Variants in DRC8 observed in about 807,000 individuals in gnomAD.
DRC8 encodes the protein dynein regulatory complex subunit 8.
At chr1:244,991,759 T>C in the DRC8 span, among the ~76,000 whole-genome samples, 289 of 152,366 alleles carry the variant, frequency 1.9e-3, 1 homozygote, top group African/African-American at 6.5e-3. Context: ...GATCTTGATA[T>C]TTATTTAAAA....
At chr1:244,999,320 T>C in the DRC8 span, among the ~76,000 whole-genome samples, 3 of 152,060 alleles carry the variant, frequency 2.0e-5, no homozygotes, top group Non-Finnish European at 4.4e-5. Context: ...CCATTAGGCC[T>C]GGAATCCCTT....
chr1:245,109,335 G>A, the DRC8 span, among the ~76,000 whole-genome samples: 1 of 152,292 alleles, frequency 6.6e-6, no homozygotes, highest in South Asian at 2.1e-4. Flanking sequence ...CTAGAGAGGG[G>A]CACAGATGGA....
the DRC8 span, among the ~76,000 whole-genome samples, chr1:245,034,063 C>T: frequency 6.6e-6 from 1 of 152,116 alleles, no homozygotes; most frequent in African/African-American, 2.4e-5. Context: ...TTTTCTCAGC[C>T]TCTGCTTTGG....
chr1:245,086,998 C>T, the DRC8 span: 42 of 576,970 alleles, frequency 7.3e-5, no homozygotes, highest in South Asian at 5.7e-4. Context: ...CCTGAAATGA[C>T]GTGTTCTAGA....
chr1:244,981,367 T>A, the DRC8 span, among the ~76,000 whole-genome samples: 1 of 152,144 alleles, frequency 6.6e-6, no homozygotes, highest in African/African-American at 2.4e-5. Flanking sequence ...GTAGGAAGAA[T>A]TTCATGAAGG....
chr1:245,092,638 A>T, the DRC8 span, among the ~76,000 whole-genome samples: 1 of 152,188 alleles, frequency 6.6e-6, no homozygotes, highest in African/African-American at 2.4e-5. Context: ...GAATCTCTGG[A>T]GGTAGGGTCC....
chr1:245,056,527 A>G, the DRC8 span, among the ~76,000 whole-genome samples: 15 of 152,252 alleles, frequency 9.9e-5, no homozygotes, highest in Admixed American at 2.6e-4. Flanking sequence ...GTCTGACTCC[A>G]GATGGAAGCT....
chr1:245,106,530 TA>T, the DRC8 span, among the ~76,000 whole-genome samples: 2 of 151,798 alleles, frequency 1.3e-5, no homozygotes, highest in African/African-American at 4.8e-5. Context: ...ATATTTAAAA[TA>T]ATGTATATTT....
At chr1:245,112,057 C>A in the DRC8 span, among the ~76,000 whole-genome samples, 2 of 151,508 alleles carry the variant, frequency 1.3e-5, no homozygotes, top group Non-Finnish European at 2.9e-5. Context: ...ATCTGGAAGA[C>A]GTTATTATTT....
chr1:245,011,345 C>A, the DRC8 span, among the ~76,000 whole-genome samples: 1 of 152,102 alleles, frequency 6.6e-6, no homozygotes, highest in African/African-American at 2.4e-5. Context: ...TTTATTCACA[C>A]GGAAGTACTT....
At chr1:244,986,669 G>C in the DRC8 span, among the ~76,000 whole-genome samples, 4 of 151,678 alleles carry the variant, frequency 2.6e-5, no homozygotes, top group African/African-American at 9.7e-5. Flanking sequence ...AGAAGTTCGA[G>C]GATGCAGTGA....
chr1:245,053,284 G>A, the DRC8 span, among the ~76,000 whole-genome samples: 1 of 152,208 alleles, frequency 6.6e-6, no homozygotes, highest in East Asian at 1.9e-4. Context: ...ATGATACTCA[G>A]AGAAGACTTG....
chr1:245,001,442 A>T, the DRC8 span, among the ~76,000 whole-genome samples: 1 of 152,196 alleles, frequency 6.6e-6, no homozygotes, highest in East Asian at 1.9e-4. Flanking sequence ...GCCATACCCC[A>T]GACCTGTTGA....
chr1:244,984,757 C>G, the DRC8 span, among the ~76,000 whole-genome samples: 1 of 151,596 alleles, frequency 6.6e-6, no homozygotes, highest in Non-Finnish European at 1.5e-5. Context: ...ATCGCTTGAA[C>G]CTGGGAGGTG....
chr1:245,113,313 T>C, the DRC8 span, among the ~76,000 whole-genome samples: 1 of 152,182 alleles, frequency 6.6e-6, no homozygotes, highest in South Asian at 2.1e-4. Context: ...CTTTTAAGAA[T>C]GTATCTAAGA....
the DRC8 span, among the ~76,000 whole-genome samples, chr1:245,088,175 C>T: frequency 2.0e-5 from 3 of 152,188 alleles, no homozygotes; most frequent in Non-Finnish European, 2.9e-5. This position sits in a 1 kb window ranked among gnomAD's most constrained non-coding sequence, Gnocchi z 4.6. Flanking sequence ...AAATATATGG[C>T]ATGGCCACTG....
chr1:245,062,876 T>G, the DRC8 span, among the ~76,000 whole-genome samples: 3 of 152,196 alleles, frequency 2.0e-5, no homozygotes, highest in African/African-American at 7.2e-5. Context: ...GCCTCTTAAC[T>G]TCTGTGCTCA....
chr1:245,093,775 T>G, the DRC8 span, among the ~76,000 whole-genome samples: 1 of 151,242 alleles, frequency 6.6e-6, no homozygotes. Context: ...CCTAGTTCTG[T>G]GGAGAAGGAG....
chr1:244,979,156 C>T, the DRC8 span, among the ~76,000 whole-genome samples: 1 of 151,936 alleles, frequency 6.6e-6, no homozygotes, highest in Non-Finnish European at 1.5e-5. Flanking sequence ...TGTTTGATGT[C>T]TGCTTCTCCT....
Sources: allele counts gnomAD v4.1 joint callset (sites outside exome capture counted in the v4.1 genomes callset), GRCh38; gene constraint gnomAD v4.1.1; non-coding constraint Gnocchi (gnomAD v3.1); transcripts MANE v1.5; gene names NCBI Gene and HGNC (gene_info 2026-07-23, HGNC 2026-07-21).